Variants in FGD4 observed in about 807,000 individuals in gnomAD.
FGD4 encodes FYVE, RhoGEF and PH domain containing 4, also known as FYVE, RhoGEF and PH domain-containing protein 4.
Under a neutral mutation model 102.0 loss-of-function variants are expected in FGD4, and 42 were observed. That is an observed-to-expected ratio of 0.41 (90% CI 0.32 to 0.53). FGD4 has a LOEUF of 0.53. FGD4 is among the 20% of genes least tolerant of loss of function. The pLI, the probability that FGD4 is intolerant of heterozygous loss-of-function variation, is 0.21. For missense variants in FGD4, 902 were observed against 1,078.2 expected, an observed-to-expected ratio of 0.84 and a Z score of 2.29; for synonymous variants, 380 against 375.7, an observed-to-expected ratio of 1.01 and a Z score of -0.13.
rs12819820 is a variant in FGD4, at chr12:32,422,323, G to C, written c.166+22364G>C. Among the ~76,000 whole-genome samples, 396 of 54,188 alleles carry C rather than the reference G, an allele frequency of 7.3e-3. 5 individuals carry two copies. The highest frequency in any genetic ancestry group is 0.025 in the African/African-American group (380 of 15,182). The allele number at this position is 54,188 out of a possible 152,430, so 35.5% of individuals were successfully genotyped here. ...TTTTTTTTTTTTTTTTTTTGAGACA[G>C]AGTCTCGCTTTGTCACCCAGGCTGG... On this transcript the variant is annotated intron_variant, in intron 1 of 16. Transcript: ENST00000534526.
chr12:32,584,279 T>C (rs1189141297), intron 4 of FGD4, among the ~76,000 whole-genome samples: 1 of 152,248 alleles, frequency 6.6e-6, no homozygotes, highest in Non-Finnish European at 1.5e-5. Flanking sequence ...GCTGCGGCAG[T>C]GTGTTCACCT....
intron 14 of FGD4, among the ~76,000 whole-genome samples, chr12:32,632,671 CTTTATT>C (rs1284082095): frequency 1.4e-4 from 21 of 150,592 alleles, no homozygotes; most frequent in Middle Eastern, 3.2e-3. Context: ...ATCAGAGTAG[CTTTATT>C]TTTATTTTTA....
intron 1 of FGD4, among the ~76,000 whole-genome samples, chr12:32,500,976 G>A (rs1163992032): frequency 6.6e-6 from 1 of 152,222 alleles, no homozygotes; most frequent in Non-Finnish European, 1.5e-5. Context: ...CTGAAGGAGA[G>A]ATGTGTACAA....
At chr12:32,405,698 A>G (rs1940904071) in intron 1 of FGD4, among the ~76,000 whole-genome samples, 1 of 152,084 alleles carries the variant, frequency 6.6e-6, no homozygotes, top group Admixed American at 6.6e-5. Context: ...TTAACTGGTA[A>G]CAGAGAAGAG....
intron 10 of FGD4, 81 bp from the exon 11 acceptor site, chr12:32,619,617 G>A: frequency 6.7e-7 from 1 of 1,488,948 alleles, no homozygotes; most frequent in East Asian, 2.3e-5. Context: ...GGGCAACAGA[G>A]TGAGACTCTG....
intron 1 of FGD4, among the ~76,000 whole-genome samples, chr12:32,410,931 CTTTTTTTTT>C (rs747780109): frequency 7.9e-6 from 1 of 126,910 alleles, no homozygotes; most frequent in Non-Finnish European, 1.7e-5. Flanking sequence ...TTTTTTTTTT[CTTTTTTTTT>C]TTTTTTTTGA....
At chr12:32,432,259 A>G (rs1942073070) in intron 1 of FGD4, among the ~76,000 whole-genome samples, 1 of 150,734 alleles carries the variant, frequency 6.6e-6, no homozygotes, top group South Asian at 2.1e-4. Context: ...GTGGGGTTTC[A>G]CCATGTTAGC....
chr12:32,428,800 C>T (rs1941940027), intron 1 of FGD4, among the ~76,000 whole-genome samples: 1 of 152,164 alleles, frequency 6.6e-6, no homozygotes, highest in Non-Finnish European at 1.5e-5. Flanking sequence ...GATGTCCTTT[C>T]TTCCGTGTGA....
At chr12:32,520,496 T>C (rs1950360398) in intron 1 of FGD4, among the ~76,000 whole-genome samples, 1 of 149,324 alleles carries the variant, frequency 6.7e-6, no homozygotes, top group South Asian at 2.1e-4. Context: ...AGTGCAGTGG[T>C]GCAATCTTGG....
chr12:32,400,263 A>G (rs1339912711), intron 1 of FGD4, among the ~76,000 whole-genome samples: 1 of 152,218 alleles, frequency 6.6e-6, no homozygotes, highest in African/African-American at 2.4e-5. Context: ...ATTTGAAAAG[A>G]CCAGTTTTCT....
chr12:32,559,990 G>C (rs555585053), intron 1 of FGD4, among the ~76,000 whole-genome samples: 3 of 152,304 alleles, frequency 2.0e-5, no homozygotes, highest in African/African-American at 7.2e-5. Context: ...TAGTTGAGCT[G>C]TGGCTCTGCA....
intron 1 of FGD4, among the ~76,000 whole-genome samples, chr12:32,516,062 A>C (rs1939848568): frequency 6.6e-6 from 1 of 152,210 alleles, no homozygotes; most frequent in Non-Finnish European, 1.5e-5. Flanking sequence ...AAATTGCCAA[A>C]AGCAAAACCA....
intron 10 of FGD4, among the ~76,000 whole-genome samples, chr12:32,613,387 CA>C (rs374641248): frequency 2.0e-5 from 3 of 152,190 alleles, no homozygotes; most frequent in Admixed American, 6.5e-5. Flanking sequence ...TTTTTTGCAA[CA>C]AAATAAACCC....
At chr12:32,496,980 T>G (rs1362623829) in intron 1 of FGD4, among the ~76,000 whole-genome samples, 1 of 152,232 alleles carries the variant, frequency 6.6e-6, no homozygotes, top group Non-Finnish European at 1.5e-5. Flanking sequence ...CACAATTATC[T>G]TTCAAATTTT....
intron 1 of FGD4, among the ~76,000 whole-genome samples, chr12:32,537,220 T>C (rs1014840017): frequency 6.6e-6 from 1 of 152,186 alleles, no homozygotes; most frequent in African/African-American, 2.4e-5. Context: ...AAAGCAGTTA[T>C]TATTTCTTAT....
intron 1 of FGD4, among the ~76,000 whole-genome samples, chr12:32,548,121 C>G (rs1203881888): frequency 6.6e-6 from 1 of 152,152 alleles, no homozygotes; most frequent in Non-Finnish European, 1.5e-5. Context: ...TGTTACCTTG[C>G]ATTTACAGAG....
intron 11 of FGD4, among the ~76,000 whole-genome samples, chr12:32,620,520 C>CTTTCTTTCTTTTTTTT (rs1949747434): frequency 1.1e-5 from 1 of 91,136 alleles, no homozygotes; most frequent in Non-Finnish European, 2.0e-5. Flanking sequence ...TTTTTTCTTT[C>CTTTCTTTCTTTTTTTT]TTTTTTTTTT....
intron 1 of FGD4, among the ~76,000 whole-genome samples, chr12:32,434,560 A>G (rs1942162095): frequency 6.6e-6 from 1 of 152,228 alleles, no homozygotes; most frequent in African/African-American, 2.4e-5. Flanking sequence ...GAAAGCCTTA[A>G]TTACACTGTA....
At chr12:32,491,205 A>T (rs571165153) in intron 1 of FGD4, among the ~76,000 whole-genome samples, 1 of 152,204 alleles carries the variant, frequency 6.6e-6, no homozygotes, top group Admixed American at 6.5e-5. Flanking sequence ...ATTTAGAAAC[A>T]AATTATGAAG....
Sources: gnomAD v4.1 joint callset for allele counts (sites outside exome capture counted in the v4.1 genomes callset) on GRCh38, gnomAD v4.1.1 for gene constraint, MANE v1.5 for transcripts, NCBI Gene and HGNC (gene_info 2026-07-23, HGNC 2026-07-21) for gene names.